MFAP4: variants seen among roughly 807,000 people sequenced by gnomAD.
MFAP4 encodes microfibril-associated glycoprotein 4.
Under a neutral mutation model 32.4 loss-of-function variants are expected in MFAP4, and 20 were observed. The observed-to-expected ratio is 0.62, with a 90% CI of 0.43 to 0.90. The LOEUF is 0.90. MFAP4 is among the 40% of genes least tolerant of loss of function. The pLI is 0.00. For missense variants in MFAP4, 267 were observed against 329.5 expected, an observed-to-expected ratio of 0.81 and a Z score of 1.47; for synonymous variants, 146 against 137.4, an observed-to-expected ratio of 1.06 and a Z score of -0.44.
Position 19,384,026 on chromosome 17 carries a change from C to T in MFAP4, c.*436G>A, listed in dbSNP as rs949387608. 4.6e-6 allele frequency: 1 copy of T among 219,450 alleles called. No homozygotes were observed. The highest frequency in any genetic ancestry group is 9.4e-6 in the Non-Finnish European group (1 of 106,878). The allele number at this position is 219,450 out of a possible 1,614,324, so 13.6% of individuals were successfully genotyped here. ...CTGTGGCCTAGAATACACCATGGGCCCTGTTCACACTGCACTGCTCAGCTT... is the reference window on the plus strand; with the variant it reads ...CTGTGGCCTAGAATACACCATGGGCTCTGTTCACACTGCACTGCTCAGCTT... On this transcript the variant is annotated 3_prime_UTR_variant, in exon 6 of 6. Transcript: ENST00000299610.
chr17:19,386,171 C>T, intron 3 of MFAP4, 139 bp downstream of exon 3: 2 of 772,302 alleles, frequency 2.6e-6, no homozygotes, highest in Non-Finnish European at 2.0e-6. Context: ...TAAGCGTTGG[C>T]AGCTGCTCAG....
In MFAP4 at chr17:19,386,425, T is replaced by G. The variant is rs765385025; in HGVS notation, c.125A>C (p.Asp42Ala). The G allele has an allele frequency of 6.2e-6, 10 of 1,613,882 alleles. No homozygotes were observed. The highest frequency in any genetic ancestry group is 8.5e-6 in the Non-Finnish European group (10 of 1,179,938). ...RFCLQQPLDCDDIYAQGYQSD... is the reference protein window; with the variant it reads ...RFCLQQPLDCADIYAQGYQSD... ...CTGGTAGCCCTGGGCATAGATGTCG[T>G]CACAGTCCAGGGGTTGCTGAAGGCA... Residue 42 changes from aspartate (D) to alanine (A), a missense_variant, in exon 3 of 6, where the codon GAC becomes GCC. Asp to Ala is a moderately radical substitution (Grantham distance 126). Transcript: ENST00000299610.
chr17:19,385,238 C>T lies in MFAP4; in HGVS notation c.381G>A (p.Glu127=), dbSNP rs1384870558. The change falls in exon 5 of 6, where the codon GAG becomes GAA. Residue 127 remains glutamate (E), a synonymous_variant. Transcript: ENST00000299610. ...CAAAGTCCTCCAAGTCCACTCGCAG[C>T]TCATACTTCTGCTTCAGTGTCAGGA... The part of the protein sequence containing the change: ...MHLLTLKQKY[E]LRVDLEDFEN... 1 of 1,614,290 alleles carries T rather than the reference C, an allele frequency of 6.2e-7. No individual in the cohort carries two copies. Among genetic ancestry groups the T allele is most frequent in the Admixed American group, 1.7e-5 (1 of 60,036 alleles).
Position 19,387,057 on chromosome 17 carries a change from C to A in MFAP4, c.6+93G>T, listed in dbSNP as rs146612211. 4.1e-4 allele frequency: 625 copies of A among 1,521,438 alleles called. No individual in the cohort carries two copies. The highest frequency in any genetic ancestry group is 3.7e-4 in the Non-Finnish European group (416 of 1,123,166). The allele number at this position is 1,521,438 out of a possible 1,614,324, so 94.2% of individuals were successfully genotyped here. On this transcript the variant is annotated intron_variant, in intron 1 of 5. Coordinates refer to ENST00000299610, the MANE Select transcript of MFAP4 (RefSeq NM_002404.3). ...ATAGCTTACGAGTTTCAAGAGAACTCCTTGTGCCTTCATAGTGCCCTCTGT... is the reference window on the plus strand; with the variant it reads ...ATAGCTTACGAGTTTCAAGAGAACTACTTGTGCCTTCATAGTGCCCTCTGT...
chr17:19,385,508 G>A, intron 3 of MFAP4, 54 bp from the exon 4 acceptor site: 1 of 1,528,256 alleles, frequency 6.5e-7, no homozygotes, highest in South Asian at 1.1e-5. Context: ...GCAAGGTTCT[G>A]GTCCTGCCCT....
intron 2 of MFAP4, 71 bp downstream of exon 2, chr17:19,386,689 G>A: frequency 6.7e-7 from 1 of 1,503,734 alleles, no homozygotes; most frequent in Non-Finnish European, 9.1e-7. Context: ...CTGACAGTCT[G>A]TTCTGACAGT....
rs1912941665 is a variant in MFAP4 at position 19,384,365 on chromosome 17, G to A, written c.*97C>T. The A allele has an allele frequency of 4.3e-6, 6 of 1,404,086 alleles. No homozygotes were observed. The highest frequency in any genetic ancestry group is 4.2e-5 in the South Asian group (3 of 72,190). 87.0% of individuals were successfully genotyped at this position (1,404,086 alleles called of 1,614,324 possible). A position where few individuals can be genotyped will look rare whatever the true frequency, so the allele number is the denominator to read the frequency against. ...GCCCCCTTGTAAGGAGTTGGTGCTCGGGAATCAGCAGAAGCATGCATCAGG... is the reference window on the plus strand; with the variant it reads ...GCCCCCTTGTAAGGAGTTGGTGCTCAGGAATCAGCAGAAGCATGCATCAGG... On this transcript the variant is annotated 3_prime_UTR_variant, in exon 6 of 6. Transcript: ENST00000299610.
chr17:19,385,537 C>T, intron 3 of MFAP4, 83 bp from the exon 4 acceptor site: 1 of 1,266,736 alleles, frequency 7.9e-7, no homozygotes, highest in Non-Finnish European at 1.2e-6. Flanking sequence ...CAAGCATGGA[C>T]CCTGTGATGC....
At position 19,386,792 on chromosome 17, in the gene MFAP4, C is replaced by A; in HGVS notation, c.53G>T (p.Cys18Phe). 6.3e-7 allele frequency: 1 copy of A among 1,577,874 alleles called. No homozygotes were observed. Residue 18 changes from cysteine (C) to phenylalanine (F), a missense_variant, in exon 2 of 6, where the codon TGT (cysteine) becomes TTT (phenylalanine). Cys to Phe is a radical substitution (Grantham distance 205). Around this residue, in one of 3 missense-constraint regions of MFAP4, gnomAD observed 223 missense variants for 253.3 expected, o/e 0.88. Transcript: ENST00000299610. ...TCGGATCCCGGAGACCTGGGGGGCACACGGGGGCGTGGAGAGAAGCAGCAG... is the reference window on the plus strand; with the variant it reads ...TCGGATCCCGGAGACCTGGGGGGCAAACGGGGGCGTGGAGAGAAGCAGCAG... ...PLLLLLSTPP[C>F]APQVSGIRGD...
Position 19,386,239 on chromosome 17 carries a change from A to G in MFAP4, c.240+71T>C, listed in dbSNP as rs1200746192. ...TAAAGATGAAGAAACTGAGGTTCGC[A>G]TATGTGAAGCCCAGGGTCACAGGGC... On this transcript the variant is annotated intron_variant, in intron 3 of 5. Coordinates refer to ENST00000299610, the MANE Select transcript of MFAP4 (RefSeq NM_002404.3). The G allele has an allele frequency of 3.6e-6, 5 of 1,373,886 alleles. No homozygotes were observed. The South Asian group carries it at 5.8e-5, about 16-fold the overall frequency. The allele number at this position is 1,373,886 out of a possible 1,614,324, so 85.1% of individuals were successfully genotyped here.
In MFAP4 at chr17:19,385,280, C is replaced by G. The variant is rs148232478; in HGVS notation, c.339G>C (p.Gly113=). The G allele has an allele frequency of 1.1e-5, 17 of 1,614,260 alleles. No homozygotes were observed. In the African/African-American group the frequency reaches 1.2e-4, roughly 11 times the overall value. Residue 113 remains glycine (G), a splice_region_variant and synonymous_variant, in exon 5 of 6, where the codon GGG becomes GGC. Coordinates refer to ENST00000299610, the MANE Select transcript of MFAP4 (RefSeq NM_002404.3). The part of the protein sequence containing the change: ...FGRADGEYWL[G]LQNMHLLTLK... The stretch of plus-strand genomic sequence containing the variant: ...GTGTCAGGAGGTGCATGTTCTGCAG[C>G]CCTGGGGAGGAGGGGCAGCTGGTCA...
rs145189668 is a variant in MFAP4 at position 19,385,129 on chromosome 17, A to G, written c.490T>C (p.Phe164Leu). The G allele has an allele frequency of 1.9e-6, 3 of 1,614,072 alleles. No individual in the cohort carries two copies. The highest frequency in any genetic ancestry group is 2.5e-6 in the Non-Finnish European group (3 of 1,180,000). Residue 164 changes from phenylalanine to leucine, a missense_variant, in exon 5 of 6, where the codon TTT becomes CTT. Phe to Leu is a conservative substitution (Grantham distance 22). Transcript: ENST00000299610. ...VSAEEDGYTL[F>L]VAGFEDGGAG... is the part of the protein sequence containing the mutation. Reference sequence around the variant, plus strand: ...CCGCCATCCTCAAAGCCTGCCACAAAGAGGGTGTAGCCATCCTCCTCTGCG... The same window carrying G: ...CCGCCATCCTCAAAGCCTGCCACAAGGAGGGTGTAGCCATCCTCCTCTGCG...
rs375233696 is a variant in MFAP4 at position 19,384,688 on chromosome 17, C to T, written c.542G>A (p.Ser181Asn). ...GTCGAAGGTAGAGAACTTCTGGCCA[C>T]TGTGGTAGGACAGGGAGTCACCTGG... ...GGAGDSLSYH[S>N]GQKFSTFDRD... Residue 181 changes from serine to asparagine, a missense_variant, in exon 6 of 6, where the codon AGT becomes AAT. This residue lies in a region of MFAP4 where 223 missense variants were observed against 253.3 expected (regional missense o/e 0.88). Transcript: ENST00000299610. 6.2e-7 allele frequency: 1 copy of T among 1,614,058 alleles called. No individual in the cohort carries two copies. The highest frequency in any genetic ancestry group is 8.5e-7 in the Non-Finnish European group (1 of 1,180,036).
Position 19,384,802 on chromosome 17 carries a change from T to C in MFAP4, c.521-93A>G, listed in dbSNP as rs768084043. 1.4e-5 allele frequency: 21 copies of C among 1,543,820 alleles called. No homozygotes were observed. In the African/African-American group the frequency reaches 1.6e-4, roughly 12 times the overall value. ...GTGACAATGACGACTGTGAGAGATA[T>C]CACGTGGCAGCCTGGCGGGATGGGG... On this transcript the variant is annotated intron_variant, in intron 5 of 5. Coordinates refer to ENST00000299610, the MANE Select transcript of MFAP4 (RefSeq NM_002404.3).
In MFAP4 at chr17:19,386,750, G is replaced by T; in HGVS notation, c.85+10C>A. Reference sequence around the variant, plus strand: ...GGCCAGGCCGCGTCTGTGAGTGTGGGGCTGCTTACCATCTCCTCGGATCCC... The same window carrying T: ...GGCCAGGCCGCGTCTGTGAGTGTGGTGCTGCTTACCATCTCCTCGGATCCC... On this transcript the variant is annotated intron_variant, in intron 2 of 5. Coordinates refer to ENST00000299610, the MANE Select transcript of MFAP4 (RefSeq NM_002404.3). 1 of 1,565,900 alleles carries T rather than the reference G, an allele frequency of 6.4e-7. No homozygotes were observed.
Position 19,386,310 on chromosome 17 carries a change from C to A in MFAP4, c.240G>T (p.Thr80=), listed in dbSNP as rs745799579. ...CDMTTEGGKW[T]VFQKRFNGSV... ...GCCTCTGTTCCCTCCTCCCACTCAC[C>A]GTCCACTTCCCGCCCTCGGTGGTCA... Residue 80 remains threonine (T), a splice_region_variant and synonymous_variant, in exon 3 of 6, where the codon ACG becomes ACT. Transcript: ENST00000299610. 1 of 1,595,686 alleles carries A rather than the reference C, an allele frequency of 6.3e-7. No individual in the cohort carries two copies. Among genetic ancestry groups the A allele is most frequent in the Non-Finnish European group, 8.5e-7 (1 of 1,170,376 alleles).
intron 3 of MFAP4, 72 bp downstream of exon 3, chr17:19,386,238 C>T (rs1913026882): frequency 2.9e-6 from 4 of 1,366,498 alleles, no homozygotes; most frequent in Non-Finnish European, 2.9e-6. Context: ...CTGAGGTTCG[C>T]ATATGTGAAG....
intron 5 of MFAP4, among the ~76,000 whole-genome samples, 189 bp downstream of exon 5, chr17:19,384,910 C>G (rs1327685200): frequency 6.6e-6 from 1 of 152,234 alleles, no homozygotes; most frequent in African/African-American, 2.4e-5. Flanking sequence ...TTGCCTGGAG[C>G]AGGGCCAGGA....
At chr17:19,386,176 G>T in intron 3 of MFAP4, 134 bp downstream of exon 3, 1 of 822,990 alleles carries the variant, frequency 1.2e-6, no homozygotes, top group Non-Finnish European at 1.8e-6. Context: ...GTTGGCAGCT[G>T]CTCAGAAGCT....
Sources: gnomAD v4.1 joint callset for allele counts (sites outside exome capture counted in the v4.1 genomes callset) on GRCh38, gnomAD v4.1.1 for gene constraint, gnomAD v4.1.1 regional missense constraint, MANE v1.5 for transcripts, NCBI Gene and HGNC (gene_info 2026-07-23, HGNC 2026-07-21) for gene names.